Variants in THSD7B observed in about 807,000 individuals in gnomAD.
The protein encoded by THSD7B is thrombospondin type 1 domain containing 7B, also known as thrombospondin type-1 domain-containing protein 7B.
THSD7B carries 138 observed loss-of-function variants against 213.6 expected under a neutral mutation model. That is an observed-to-expected ratio of 0.65 (90% CI 0.56 to 0.74). The LOEUF is 0.74. Ranked by LOEUF, THSD7B falls within the 30% of genes least tolerant of loss-of-function variation. The pLI is 0.00. For synonymous variants in THSD7B, 742 were observed against 687.0 expected, an observed-to-expected ratio of 1.08 and a Z score of -1.25; for missense variants, 1,931 against 1,991.5, an observed-to-expected ratio of 0.97 and a Z score of 0.58.
intron 12 of THSD7B, among the ~76,000 whole-genome samples, chr2:137,397,461 ATTCTT>A (rs1686222701): frequency 6.6e-6 from 1 of 151,910 alleles, no homozygotes; most frequent in South Asian, 2.1e-4. Context: ...TGGGTTGAAA[ATTCTT>A]TTCTTTAAGA....
At chr2:136,946,583 G>A (rs903259497) in intron 2 of THSD7B, among the ~76,000 whole-genome samples, 6 of 152,186 alleles carry the variant, frequency 3.9e-5, no homozygotes, top group Admixed American at 6.5e-5. Flanking sequence ...ATGCCCTGCC[G>A]CAAGAGGTGG....
chr2:137,088,427 C>T (rs1220588063), intron 3 of THSD7B, among the ~76,000 whole-genome samples: 1 of 151,686 alleles, frequency 6.6e-6, no homozygotes, highest in African/African-American at 2.4e-5. Flanking sequence ...GCTAGCCACA[C>T]ATAGGAGAAA....
intron 15 of THSD7B, among the ~76,000 whole-genome samples, chr2:137,549,211 C>T (rs935143716): frequency 6.6e-6 from 1 of 151,666 alleles, no homozygotes; most frequent in Non-Finnish European, 1.5e-5. Flanking sequence ...GGACTGAGAT[C>T]CGTTAACTGA....
At chr2:137,147,645 C>T (rs1679730196) in intron 5 of THSD7B, among the ~76,000 whole-genome samples, 1 of 151,906 alleles carries the variant, frequency 6.6e-6, no homozygotes, top group South Asian at 2.1e-4. Context: ...ATCATTATTA[C>T]AGATTTCCGT....
intron 1 of THSD7B, among the ~76,000 whole-genome samples, chr2:136,819,033 A>C (rs1682528207): frequency 6.6e-6 from 1 of 152,212 alleles, no homozygotes; most frequent in Non-Finnish European, 1.5e-5. Context: ...CATATTTGTC[A>C]TGTAAAACGA....
intron 12 of THSD7B, among the ~76,000 whole-genome samples, chr2:137,365,028 G>C (rs1685372629): frequency 6.6e-6 from 1 of 152,118 alleles, no homozygotes; most frequent in Non-Finnish European, 1.5e-5. Flanking sequence ...GCATGGTGCT[G>C]GTACCAGAAC....
intron 16 of THSD7B, among the ~76,000 whole-genome samples, chr2:137,564,061 T>C (rs924663150): frequency 1.3e-5 from 2 of 152,204 alleles, no homozygotes; most frequent in African/African-American, 4.8e-5. Context: ...CAGCAGAAGT[T>C]ACAATATTTA....
At chr2:137,070,556 T>A (rs950576471) in intron 3 of THSD7B, among the ~76,000 whole-genome samples, 15 of 151,898 alleles carry the variant, frequency 9.9e-5, no homozygotes, top group African/African-American at 2.6e-4. Context: ...TTTTTATTTT[T>A]TTTTTAAATT....
chr2:137,013,647 G>A (rs553576460), intron 2 of THSD7B, among the ~76,000 whole-genome samples: 1 of 152,116 alleles, frequency 6.6e-6, no homozygotes, highest in Non-Finnish European at 1.5e-5. Context: ...CCTTTAGTGA[G>A]GTTTTGCTGC....
At chr2:137,075,490 A>AT (rs1173635810) in intron 3 of THSD7B, among the ~76,000 whole-genome samples, 1 of 151,550 alleles carries the variant, frequency 6.6e-6, no homozygotes, top group Non-Finnish European at 1.5e-5. Context: ...CATTCATCTA[A>AT]TTTTTTTTCA....
intron 21 of THSD7B, among the ~76,000 whole-genome samples, chr2:137,648,291 C>T (rs571750208): frequency 1.3e-5 from 2 of 152,206 alleles, no homozygotes; most frequent in Admixed American, 1.3e-4. Context: ...AAGCTATAGT[C>T]ACCCTACTGA....
intron 14 of THSD7B, among the ~76,000 whole-genome samples, chr2:137,434,616 G>T (rs1230118453): frequency 1.3e-5 from 2 of 152,186 alleles, no homozygotes; most frequent in Non-Finnish European, 2.9e-5. Flanking sequence ...CAGCACTCAG[G>T]CATGACAATG....
intron 15 of THSD7B, among the ~76,000 whole-genome samples, chr2:137,557,743 A>G (rs2105216217): frequency 6.6e-6 from 1 of 152,288 alleles, no homozygotes. Context: ...ATAGAGACAC[A>G]AAAAACCCTT....
chr2:136,930,929 C>T (rs750445220), intron 2 of THSD7B, among the ~76,000 whole-genome samples: 5 of 152,130 alleles, frequency 3.3e-5, no homozygotes, highest in Non-Finnish European at 7.4e-5. Context: ...CAATATAGTA[C>T]TACATTCCCC....
chr2:137,073,730 A>G (rs1558909270), intron 3 of THSD7B, among the ~76,000 whole-genome samples: 2 of 152,156 alleles, frequency 1.3e-5, no homozygotes, highest in South Asian at 4.1e-4. Context: ...TTAGTGCTAT[A>G]AATTTCCCTC....
intron 2 of THSD7B, among the ~76,000 whole-genome samples, chr2:137,021,533 T>G (rs1255691844): frequency 6.6e-6 from 1 of 152,214 alleles, no homozygotes; most frequent in Non-Finnish European, 1.5e-5. Flanking sequence ...TGAATCTACT[T>G]AAAAAATTAA....
intron 1 of THSD7B, among the ~76,000 whole-genome samples, chr2:136,808,328 A>G (rs1682322350): frequency 6.6e-6 from 1 of 152,208 alleles, no homozygotes; most frequent in South Asian, 2.1e-4. Flanking sequence ...GTTATGTCAT[A>G]CATTTGTAAT....
intron 4 of THSD7B, among the ~76,000 whole-genome samples, chr2:137,096,060 C>T (rs1688033844): frequency 1.3e-5 from 2 of 152,030 alleles, no homozygotes; most frequent in Admixed American, 1.3e-4. Context: ...TGGGTAAAGG[C>T]CTGCAGTATG....
chr2:136,972,470 A>G lies in THSD7B; in HGVS notation c.140-83950A>G, dbSNP rs142599508. ...TTGATGTTTTAAACAATATGCATGTATGCGTGTATGTATTTGATAAAAATG... is the reference window on the plus strand; with the variant it reads ...TTGATGTTTTAAACAATATGCATGTGTGCGTGTATGTATTTGATAAAAATG... On this transcript the variant is annotated intron_variant, in intron 2 of 27. Transcript: ENST00000409968. 1.8e-3 allele frequency among the ~76,000 whole-genome samples: 267 copies of G among 152,294 alleles called. 1 individual carries two copies. Among genetic ancestry groups the G allele is most frequent in the African/African-American group, 6.2e-3 (258 of 41,586 alleles).
Sources: allele counts gnomAD v4.1 joint callset (sites outside exome capture counted in the v4.1 genomes callset), GRCh38; gene constraint gnomAD v4.1.1; transcripts MANE v1.5; gene names NCBI Gene and HGNC (gene_info 2026-07-23, HGNC 2026-07-21).